SPIDR: variants seen among roughly 807,000 people sequenced by gnomAD.
The protein encoded by SPIDR is scaffold protein involved in DNA repair, also known as DNA repair-scaffolding protein.
Under a neutral mutation model 104.6 loss-of-function variants are expected in SPIDR, and 93 were observed. The ratio of observed to expected loss-of-function variants is 0.89; its 90% CI spans 0.75 to 1.06. The LOEUF (loss-of-function observed/expected upper bound fraction) is 1.06, where lower values mean the gene tolerates loss of function less well. Ranked by LOEUF, SPIDR falls within the 50% of genes least tolerant of loss-of-function variation. The pLI, the probability that SPIDR is intolerant of heterozygous loss-of-function variation, is 0.00. For missense variants in SPIDR, 1,154 were observed against 1,111.2 expected (o/e 1.04, Z -0.55); for synonymous variants, 431 against 416.9 (o/e 1.03, Z -0.41).
Position 47,299,880 on chromosome 8 carries a change from G to A in SPIDR, c.525+5850G>A, listed in dbSNP as rs1209793762. On this transcript the variant is annotated intron_variant, in intron 5 of 19. Coordinates refer to ENST00000297423, the MANE Select transcript of SPIDR (RefSeq NM_001080394.4). The stretch of plus-strand genomic sequence containing the variant: ...GTGTTTTATTGAGGATTTTTGCATC[G>A]ATGTTCATCAGGGATATTGGTCTAA... Among the ~76,000 whole-genome samples, 1,318 of 152,164 alleles carry A rather than the reference G, an allele frequency of 8.7e-3. 17 individuals are homozygous for A. Among genetic ancestry groups the A allele is most frequent in the Middle Eastern group, 0.014 (4 of 294 alleles).
In SPIDR at chr8:47,363,570, C is replaced by T. The variant is rs185684736; in HGVS notation, c.526-32806C>T. Reference sequence around the variant, plus strand: ...TCACTCTCCTAGTTTCCCTTCTTCCCGCCCCAGGCTCTGGCAGTGATCTCT... The same window carrying T: ...TCACTCTCCTAGTTTCCCTTCTTCCTGCCCCAGGCTCTGGCAGTGATCTCT... On this transcript the variant is annotated intron_variant, in intron 5 of 19. Coordinates refer to ENST00000297423, the MANE Select transcript of SPIDR (RefSeq NM_001080394.4). Among the ~76,000 whole-genome samples, 178 of 151,952 alleles carry T rather than the reference C, an allele frequency of 1.2e-3. 2 individuals are homozygous for T. Among genetic ancestry groups the T allele is most frequent in the Admixed American group, 0.011 (169 of 15,258 alleles).
intron 5 of SPIDR, among the ~76,000 whole-genome samples, chr8:47,310,249 G>A (rs1554584178): frequency 6.6e-6 from 1 of 151,224 alleles, no homozygotes; most frequent in Non-Finnish European, 1.5e-5. Context: ...CAGAAGAATG[G>A]TGTGAACCCA....
At chr8:47,412,462 C>G (rs955628950) in intron 7 of SPIDR, among the ~76,000 whole-genome samples, 1 of 152,144 alleles carries the variant, frequency 6.6e-6, no homozygotes, top group Admixed American at 6.5e-5. Flanking sequence ...CTCTCCTCTT[C>G]AAGTCCGATA....
chr8:47,732,213 A>T, intron 19 of SPIDR: 2 of 702,420 alleles, frequency 2.8e-6, no homozygotes, highest in East Asian at 2.7e-5. Context: ...CCTCCTACAC[A>T]TTTAACTTGT....
chr8:47,509,600 C>G (rs79219931), intron 8 of SPIDR, among the ~76,000 whole-genome samples: 1 of 152,170 alleles, frequency 6.6e-6, no homozygotes, highest in Non-Finnish European at 1.5e-5. Flanking sequence ...ATTACAACAT[C>G]TAACAGACAA....
At chr8:47,645,253 T>C (rs1448593162) in intron 10 of SPIDR, among the ~76,000 whole-genome samples, 2 of 152,118 alleles carry the variant, frequency 1.3e-5, no homozygotes, top group Non-Finnish European at 2.9e-5. Flanking sequence ...AGAGTGCTTA[T>C]GGTGAAAAGC....
At chr8:47,343,976 A>C (rs1236160669) in intron 5 of SPIDR, among the ~76,000 whole-genome samples, 2 of 138,456 alleles carry the variant, frequency 1.4e-5, no homozygotes, top group Non-Finnish European at 1.6e-5. Flanking sequence ...TTTTTTTTTT[A>C]TTATTATTAT....
intron 8 of SPIDR, chr8:47,547,886 C>T (rs150034398): frequency 2.0e-4 from 33 of 168,614 alleles, no homozygotes; most frequent in Admixed American, 3.1e-4. Flanking sequence ...TGATTTGGAG[C>T]TGCTACCCAC....
At chr8:47,400,521 G>T (rs1286454982) in intron 6 of SPIDR, among the ~76,000 whole-genome samples, 1 of 152,098 alleles carries the variant, frequency 6.6e-6, no homozygotes, top group Non-Finnish European at 1.5e-5. Flanking sequence ...GTGGTTTGTG[G>T]TGATTAAAAA....
intron 5 of SPIDR, among the ~76,000 whole-genome samples, chr8:47,314,790 G>T (rs910113494): frequency 1.3e-5 from 2 of 152,138 alleles, no homozygotes; most frequent in Non-Finnish European, 2.9e-5. Flanking sequence ...CCTAGGTCAG[G>T]TCTATGAATA....
At chr8:47,588,225 G>C (rs1348712188) in intron 8 of SPIDR, among the ~76,000 whole-genome samples, 1 of 149,006 alleles carries the variant, frequency 6.7e-6, no homozygotes, top group African/African-American at 2.5e-5. Context: ...TCTTCCATTT[G>C]TTAAGATCTT....
At chr8:47,720,653 A>T (rs1342516814) in intron 16 of SPIDR, among the ~76,000 whole-genome samples, 4 of 151,972 alleles carry the variant, frequency 2.6e-5, no homozygotes, top group Middle Eastern at 3.2e-3. Context: ...CCATTTTTTA[A>T]TTGGGTTGTT....
intron 6 of SPIDR, among the ~76,000 whole-genome samples, chr8:47,397,208 GAA>G (rs2061341217): frequency 6.6e-6 from 1 of 152,086 alleles, no homozygotes; most frequent in South Asian, 2.1e-4. Context: ...ATGAAGGTAA[GAA>G]AGAGAGGCCG....
intron 1 of SPIDR, among the ~76,000 whole-genome samples, chr8:47,271,127 G>A (rs1011795997): frequency 1.4e-4 from 22 of 152,060 alleles, no homozygotes; most frequent in African/African-American, 5.1e-4. Flanking sequence ...TGTACATGAC[G>A]TATATTTTCT....
At chr8:47,682,791 AT>A (rs1563530551) in intron 11 of SPIDR, among the ~76,000 whole-genome samples, 1 of 152,172 alleles carries the variant, frequency 6.6e-6, no homozygotes, top group African/African-American at 2.4e-5. Flanking sequence ...CAGTAAGGGT[AT>A]TTTGGGGAAA....
At chr8:47,459,445 A>G (rs1264237035) in intron 8 of SPIDR, among the ~76,000 whole-genome samples, 2 of 152,024 alleles carry the variant, frequency 1.3e-5, no homozygotes, top group Non-Finnish European at 2.9e-5. Context: ...GTAGCCTTAG[A>G]TAATCTTTTG....
rs559171228 is a variant in SPIDR, at chr8:47,335,368, A to G, written c.525+41338A>G. 2.6e-5 allele frequency among the ~76,000 whole-genome samples: 4 copies of G among 152,212 alleles called. No individual in the cohort carries two copies. The East Asian group carries it at 5.8e-4, about 22-fold the overall frequency. The stretch of plus-strand genomic sequence containing the variant: ...ATTTTTCCTTCAGTTTTGAAGTATG[A>G]TTTTACTCACTACAGAATTCTAGAT... On this transcript the variant is annotated intron_variant, in intron 5 of 19. Transcript: ENST00000297423.
At chr8:47,680,167 T>G (rs991865937) in intron 11 of SPIDR, among the ~76,000 whole-genome samples, 4 of 152,232 alleles carry the variant, frequency 2.6e-5, no homozygotes, top group Admixed American at 2.6e-4. Context: ...TGAAAGCACT[T>G]TATCACGGAT....
intron 11 of SPIDR, among the ~76,000 whole-genome samples, chr8:47,680,842 T>C (rs996250279): frequency 8.5e-5 from 13 of 152,346 alleles, no homozygotes; most frequent in African/African-American, 3.1e-4. Context: ...GCTCAATGGC[T>C]CACACCTGTA....
Sources: gnomAD v4.1 joint callset for allele counts (sites outside exome capture counted in the v4.1 genomes callset) on GRCh38, gnomAD v4.1.1 for gene constraint, MANE v1.5 for transcripts, NCBI Gene and HGNC (gene_info 2026-07-23, HGNC 2026-07-21) for gene names.